Variants in COL23A1 observed in about 807,000 individuals in gnomAD.
COL23A1 encodes collagen alpha-1(XXIII) chain.
Under a neutral mutation model 99.3 loss-of-function variants are expected in COL23A1, and 97 were observed. The observed-to-expected ratio is 0.98, with a 90% CI of 0.83 to 1.16. The LOEUF (loss-of-function observed/expected upper bound fraction) is 1.16. COL23A1 is among the 50% of genes most tolerant of loss of function. The pLI is 0.00. For missense variants in COL23A1, 762 were observed against 757.4 expected (o/e 1.01, Z -0.07); for synonymous variants, 320 against 308.2 (o/e 1.04, Z -0.40).
intron 2 of COL23A1, among the ~76,000 whole-genome samples, chr5:178,478,133 C>T (rs945539175): frequency 5.9e-5 from 9 of 152,156 alleles, no homozygotes; most frequent in African/African-American, 2.2e-4. Context: ...GCCTGCGGGC[C>T]CCCGACAGGC....
At chr5:178,521,552 CAAAAAAA>C (rs5873620) in intron 2 of COL23A1, among the ~76,000 whole-genome samples, 2 of 113,322 alleles carry the variant, frequency 1.8e-5, no homozygotes, top group East Asian at 5.0e-4. Flanking sequence ...GACTCCATCT[CAAAAAAA>C]AAAAAAAAAA....
intron 2 of COL23A1, among the ~76,000 whole-genome samples, chr5:178,498,107 C>A (rs889581841): frequency 8.7e-5 from 13 of 148,992 alleles, no homozygotes; most frequent in Admixed American, 6.7e-5. Flanking sequence ...TGGCTCACAC[C>A]AATAATCCCA....
intron 2 of COL23A1, among the ~76,000 whole-genome samples, chr5:178,398,937 G>C (rs944485410): frequency 6.6e-6 from 1 of 152,202 alleles, no homozygotes; most frequent in Non-Finnish European, 1.5e-5. Flanking sequence ...CCCACCAGGC[G>C]CTGGTAAACA....
chr5:178,248,995 G>A, intron 19 of COL23A1, 122 bp downstream of exon 19: 1 of 919,102 alleles, frequency 1.1e-6, no homozygotes, highest in Non-Finnish European at 1.8e-6. Flanking sequence ...CGGCCGGCTG[G>A]GCACTGAGAC....
At chr5:178,317,148 G>C (rs1759025163) in intron 2 of COL23A1, among the ~76,000 whole-genome samples, 1 of 152,156 alleles carries the variant, frequency 6.6e-6, no homozygotes, top group Non-Finnish European at 1.5e-5. Flanking sequence ...CCACATGCTA[G>C]AGTTTGTGAT....
At chr5:178,576,751 ACGGGT>A (rs963379147) in intron 1 of COL23A1, among the ~76,000 whole-genome samples, 6 of 151,316 alleles carry the variant, frequency 4.0e-5, no homozygotes, top group African/African-American at 1.5e-4. Flanking sequence ...AAAAGCCCCA[ACGGGT>A]CCCCCGGCGA....
At chr5:178,356,206 G>A (rs78537796) in intron 2 of COL23A1, among the ~76,000 whole-genome samples, 1,946 of 152,278 alleles carry the variant, frequency 0.013, 31 homozygotes, top group African/African-American at 0.044. Flanking sequence ...CTGGGGTTGC[G>A]GAGGGGAGGA....
chr5:178,325,952 G>A (rs1759626961), intron 2 of COL23A1, among the ~76,000 whole-genome samples: 1 of 152,312 alleles, frequency 6.6e-6, no homozygotes, highest in South Asian at 2.1e-4. Context: ...CCAAGGGTGA[G>A]CCGCCGGGGT....
intron 2 of COL23A1, among the ~76,000 whole-genome samples, chr5:178,418,883 G>A (rs1765453052): frequency 6.6e-6 from 1 of 152,122 alleles, no homozygotes; most frequent in African/African-American, 2.4e-5. Flanking sequence ...GCAAAGACTA[G>A]GATCATGCAA....
At position 178,433,492 on chromosome 5, in the gene COL23A1, C is replaced by T. The variant is rs370215373; in HGVS notation, c.362-126573G>A. On this transcript the variant is annotated intron_variant, in intron 2 of 28. Coordinates refer to ENST00000390654, the MANE Select transcript of COL23A1 (RefSeq NM_173465.4). ...GAGGGTTTTTATGGAGGCTTTACTA[C>T]GGGCACAGTTGATCAGATCATTGGC... 3.2e-4 allele frequency among the ~76,000 whole-genome samples: 49 copies of T among 152,258 alleles called. No homozygotes were observed. In the East Asian group the frequency reaches 3.9e-3, roughly 12 times the overall value.
chr5:178,411,346 G>A (rs747765547), intron 2 of COL23A1, among the ~76,000 whole-genome samples: 6 of 152,190 alleles, frequency 3.9e-5, no homozygotes, highest in South Asian at 2.1e-4. Flanking sequence ...ATACATGTAC[G>A]TTTACAACAA....
chr5:178,421,532 C>T (rs915311909), intron 2 of COL23A1, among the ~76,000 whole-genome samples: 1 of 152,196 alleles, frequency 6.6e-6, no homozygotes, highest in Admixed American at 6.5e-5. Flanking sequence ...TCCAAAGGCC[C>T]TGCCCACTGC....
chr5:178,409,347 T>C (rs1764944853), intron 2 of COL23A1, among the ~76,000 whole-genome samples: 1 of 152,216 alleles, frequency 6.6e-6, no homozygotes, highest in African/African-American at 2.4e-5. Flanking sequence ...TTCTAAAACA[T>C]TCTTAAAATG....
chr5:178,262,840 G>A (rs774867924), intron 9 of COL23A1, among the ~76,000 whole-genome samples: 2 of 152,172 alleles, frequency 1.3e-5, no homozygotes, highest in Non-Finnish European at 2.9e-5. Context: ...GGGAGTCAGG[G>A]TCAGAGTCTG....
Position 178,586,002 on chromosome 5 carries a change from C to T in COL23A1, c.294+3902G>A, listed in dbSNP as rs1031658013. Among the ~76,000 whole-genome samples, 4 of 152,144 alleles carry T rather than the reference C, an allele frequency of 2.6e-5. No individual in the cohort carries two copies. In the East Asian group the frequency reaches 7.7e-4, roughly 29 times the overall value. On this transcript the variant is annotated intron_variant, in intron 1 of 28. Transcript: ENST00000390654. ...TAAAGAGACAACCTCTCAAGAAGAC[C>T]GCTCTCTTCCCTGCCCCCTTCCCTT... is the stretch of plus-strand genomic sequence containing the variant.
At chr5:178,514,792 C>G (rs969539689) in intron 2 of COL23A1, among the ~76,000 whole-genome samples, 2 of 152,230 alleles carry the variant, frequency 1.3e-5, no homozygotes, top group Non-Finnish European at 2.9e-5. Context: ...CACGTTTTCC[C>G]AGGCTCAGAA....
intron 8 of COL23A1, among the ~76,000 whole-genome samples, chr5:178,266,366 CATGT>C (rs1755900234): frequency 6.6e-6 from 1 of 151,858 alleles, no homozygotes; most frequent in Non-Finnish European, 1.5e-5. Flanking sequence ...TTTGTGTGTG[CATGT>C]GTGTGTGTGC....
chr5:178,237,848 C>G lies in COL23A1; in HGVS notation c.*850G>C, dbSNP rs981181817. 6.6e-6 allele frequency: 1 copy of G among 152,354 alleles called. No individual in the cohort carries two copies. Among genetic ancestry groups the G allele is most frequent in the African/African-American group, 2.4e-5 (1 of 41,470 alleles). 9.4% of individuals were successfully genotyped at this position (152,354 alleles called of 1,614,324 possible). On this transcript the variant is annotated 3_prime_UTR_variant, in exon 29 of 29. Transcript: ENST00000390654. ...TAGAGAGCCATTTTTGGCCAGAGTT[C>G]TGGGTGGGAGACTTGGGGCCAGTGA...
chr5:178,536,996 C>G (rs1189630137), intron 2 of COL23A1, among the ~76,000 whole-genome samples: 2 of 152,222 alleles, frequency 1.3e-5, no homozygotes, highest in African/African-American at 4.8e-5. Context: ...TCCTCACCGC[C>G]GACGGCTGCT....
Sources: allele counts gnomAD v4.1 joint callset (sites outside exome capture counted in the v4.1 genomes callset), GRCh38; gene constraint gnomAD v4.1.1; transcripts MANE v1.5; gene names NCBI Gene and HGNC (gene_info 2026-07-23, HGNC 2026-07-21).